The following BLVRB variants were observed in gnomAD, a reference collection of about 807,000 sequenced individuals.
The protein encoded by BLVRB is biliverdin reductase B, also known as flavin reductase (NADPH).
BLVRB carries 25 observed loss-of-function variants against 21.1 expected under a neutral mutation model. The observed-to-expected ratio is 1.19, with a 90% CI of 0.86 to 1.66. The LOEUF is 1.66. Ranked by LOEUF, BLVRB falls within the 40% of genes most tolerant of loss-of-function variation. The pLI is 0.00. For synonymous variants in BLVRB, 128 were observed against 122.2 expected (o/e 1.05, Z -0.31); for missense variants, 274 against 282.7 (o/e 0.97, Z 0.22).
At chr19:40,457,960 T>A in intron 3 of BLVRB, 195 bp downstream of exon 3, 1 of 575,696 alleles carries the variant, frequency 1.7e-6, no homozygotes, top group Middle Eastern at 4.7e-4. Flanking sequence ...TCTGTGAGCC[T>A]TGTGTGAGCA....
At position 40,458,448 on chromosome 19, in the gene BLVRB, G is replaced by A. The variant is rs757236173; in HGVS notation, c.177C>T (p.Ala59=). The A allele has an allele frequency of 6.3e-6, 10 of 1,598,586 alleles. No individual in the cohort carries two copies. Among genetic ancestry groups the A allele is most frequent in the Admixed American group, 3.5e-5 (2 of 57,866 alleles). Residue 59 remains alanine (A), a synonymous_variant, in exon 2 of 5, where the codon GCC becomes GCT. Transcript: ENST00000263368. ...HVVVGDVLQA[A]DVDKTVAGQD... ...GCCCAGCCACGGTCTTGTCCACATC[G>A]GCTGCCTGCAGAACATCTCCCACTA...
At chr19:40,457,337 C>G (rs2079766127) in intron 3 of BLVRB, among the ~76,000 whole-genome samples, 1 of 152,160 alleles carries the variant, frequency 6.6e-6, no homozygotes, top group Admixed American at 6.6e-5. Flanking sequence ...AGTGTAATTA[C>G]AATCATCAGG....
rs768286205 is a variant in BLVRB, at chr19:40,465,638, G to A, written c.51C>T (p.Leu17=). Residue 17 remains leucine (L), a synonymous_variant, in exon 1 of 5, where the codon CTC becomes CTT. Transcript: ENST00000263368. ...CTTGCACCGCCTGCGCCAGGGTGGT[G>A]AGCCCGGTCTGGCCAGTGGCGCCGA... ...AIFGATGQTG[L]TTLAQAVQAG... is the part of the protein sequence containing the mutation. 1.2e-6 allele frequency: 2 copies of A among 1,612,670 alleles called. No homozygotes were observed. Among genetic ancestry groups the A allele is most frequent in the South Asian group, 2.2e-5 (2 of 91,012 alleles).
At chr19:40,451,534 C>CT (rs66462314) in intron 3 of BLVRB, 42 bp from the exon 4 acceptor site, 47,329 of 1,308,638 alleles carry the variant, frequency 0.036, 31 homozygotes, top group East Asian at 0.078. Flanking sequence ...GCTCTCTTGT[C>CT]TTTTTTTTTT....
At chr19:40,448,083 A>G in intron 4 of BLVRB, 37 bp from the exon 5 acceptor site, 1 of 1,584,982 alleles carries the variant, frequency 6.3e-7, no homozygotes, top group Non-Finnish European at 8.6e-7. Flanking sequence ...GATAAAGCAG[A>G]CACCTTTCCC....
intron 1 of BLVRB, among the ~76,000 whole-genome samples, chr19:40,461,759 C>G (rs1426412557): frequency 3.3e-5 from 5 of 152,210 alleles, no homozygotes; most frequent in Admixed American, 1.3e-4. Context: ...CTCAGCCCCC[C>G]AAAGTGTTGG....
Position 40,458,559 on chromosome 19 carries a change from GGA to G in BLVRB, c.80-16_80-15del. 1 of 1,584,204 alleles carries G rather than the reference GGA, an allele frequency of 6.3e-7. No homozygotes were observed. The highest frequency in any genetic ancestry group is 8.6e-7 in the Non-Finnish European group (1 of 1,162,862). ...TCACTTCGTAACCTGTGGGCAAAGA[GGA>G]GCAGAGAGCCTGGTCAGTGGGCTGG... On this transcript the variant is annotated splice_polypyrimidine_tract_variant and intron_variant, in intron 1 of 4. Coordinates refer to ENST00000263368, the MANE Select transcript of BLVRB (RefSeq NM_000713.3).
At position 40,451,441 on chromosome 19, in the gene BLVRB, G is replaced by C; in HGVS notation, c.386C>G (p.Thr129Ser). The C allele has an allele frequency of 6.2e-7, 1 of 1,613,122 alleles. No individual in the cohort carries two copies. The highest frequency in any genetic ancestry group is 8.5e-7 in the Non-Finnish European group (1 of 1,179,658). The change falls in exon 4 of 5, where the codon ACT becomes AGT. Residue 129 changes from threonine (T) to serine (S), a missense_variant. Physicochemically the swap from Thr to Ser is moderately conservative, Grantham distance 58. Coordinates refer to ENST00000263368, the MANE Select transcript of BLVRB (RefSeq NM_000713.3). ...CTTGTGCATCCGGATGTGGTCATCA[G>C]TCACAGCCTGCAGTCGTGGGGGCAC... The part of the protein sequence containing the change: ...TKVPPRLQAV[T>S]DDHIRMHKVL...
intron 4 of BLVRB, among the ~76,000 whole-genome samples, chr19:40,448,740 G>A (rs2079726243): frequency 1.3e-5 from 2 of 150,812 alleles, no homozygotes; most frequent in African/African-American, 4.9e-5. Context: ...CTGGAATTAT[G>A]CACAGTATGG....
chr19:40,451,431 G>A lies in BLVRB; in HGVS notation c.396C>T (p.His132=), dbSNP rs774438209. The part of the protein sequence containing the change: ...PPRLQAVTDD[H]IRMHKVLRES... ...CCCGCAGCACCTTGTGCATCCGGAT[G>A]TGGTCATCAGTCACAGCCTGCAGTC... The change falls in exon 4 of 5, where the codon CAC becomes CAT. Residue 132 remains histidine, a synonymous_variant. Coordinates refer to ENST00000263368, the MANE Select transcript of BLVRB (RefSeq NM_000713.3). 1.2e-6 allele frequency: 2 copies of A among 1,613,232 alleles called. No individual in the cohort carries two copies. Among genetic ancestry groups the A allele is most frequent in the South Asian group, 1.1e-5 (1 of 90,758 alleles).
At chr19:40,460,204 C>T (rs886498336) in intron 1 of BLVRB, among the ~76,000 whole-genome samples, 1 of 147,484 alleles carries the variant, frequency 6.8e-6, no homozygotes, top group African/African-American at 2.5e-5. Context: ...TTGTTTTAAA[C>T]ATTGGCAAAG....
chr19:40,458,650 T>G (rs1279510415), intron 1 of BLVRB, 105 bp from the exon 2 acceptor site: 1 of 1,354,258 alleles, frequency 7.4e-7, no homozygotes, highest in African/African-American at 1.5e-5. Flanking sequence ...CATCCCCTCC[T>G]CTGTTCTGGG....
At chr19:40,460,344 C>G (rs989292672) in intron 1 of BLVRB, among the ~76,000 whole-genome samples, 1 of 148,514 alleles carries the variant, frequency 6.7e-6, no homozygotes. Flanking sequence ...TCACTGTAAC[C>G]TCAAATTCCT....
chr19:40,449,693 T>C (rs1460253429), intron 4 of BLVRB, among the ~76,000 whole-genome samples: 1 of 152,214 alleles, frequency 6.6e-6, no homozygotes, highest in Non-Finnish European at 1.5e-5. Context: ...AGTGCGACAA[T>C]GTTGCAATTC....
At chr19:40,463,971 A>G (rs956016936) in intron 1 of BLVRB, among the ~76,000 whole-genome samples, 14 of 151,784 alleles carry the variant, frequency 9.2e-5, no homozygotes, top group Admixed American at 3.3e-4. Context: ...GTTTCACTAT[A>G]TTGGCCAGGC....
chr19:40,449,283 T>C (rs2079728488), intron 4 of BLVRB, among the ~76,000 whole-genome samples: 1 of 151,564 alleles, frequency 6.6e-6, no homozygotes. Context: ...TCTTGCTCTG[T>C]CACCCAGGCT....
intron 3 of BLVRB, among the ~76,000 whole-genome samples, chr19:40,453,918 G>A (rs1425194463): frequency 1.3e-5 from 2 of 152,154 alleles, no homozygotes; most frequent in African/African-American, 2.4e-5. Flanking sequence ...TCAGGAGTTC[G>A]AGGCTGCAGT....
chr19:40,460,245 A>ATATATATATATATATATAT (rs2079780627), intron 1 of BLVRB, among the ~76,000 whole-genome samples: 2 of 53,570 alleles, frequency 3.7e-5, no homozygotes, highest in Non-Finnish European at 6.8e-5. Flanking sequence ...CTGTAATAGC[A>ATATATATATATATATATAT]ACATATATAT....
chr19:40,458,631 T>A (rs1321417917), intron 1 of BLVRB, 86 bp from the exon 2 acceptor site: 9 of 1,424,536 alleles, frequency 6.3e-6, no homozygotes, highest in Middle Eastern at 1.8e-4. Flanking sequence ...CACCATGAAC[T>A]CTCAAATCCA....
Sources: allele counts gnomAD v4.1 joint callset (sites outside exome capture counted in the v4.1 genomes callset), GRCh38; gene constraint gnomAD v4.1.1; transcripts MANE v1.5; gene names NCBI Gene and HGNC (gene_info 2026-07-23, HGNC 2026-07-21).